ANO2: variants seen among roughly 807,000 people sequenced by gnomAD.
The protein encoded by ANO2 is anoctamin-2.
ANO2 carries 101 observed loss-of-function variants against 124.2 expected under a neutral mutation model. That is an observed-to-expected ratio of 0.81 (90% CI 0.69 to 0.96). ANO2 has a LOEUF of 0.96. ANO2 is among the 40% of genes least tolerant of loss of function. The pLI is 0.00. For synonymous variants in ANO2, 486 were observed against 482.5 expected (o/e 1.01, Z -0.09); for missense variants, 1,293 against 1,274.5 (o/e 1.01, Z -0.22).
chr12:5,725,915 G>A (rs890391013), intron 14 of ANO2, among the ~76,000 whole-genome samples: 1 of 152,106 alleles, frequency 6.6e-6, no homozygotes, highest in Non-Finnish European at 1.5e-5. Flanking sequence ...AGCAAAGGAG[G>A]CATGAGCTGA....
intron 14 of ANO2, among the ~76,000 whole-genome samples, chr12:5,706,756 C>G (rs1354756570): frequency 3.3e-5 from 5 of 152,226 alleles, no homozygotes; most frequent in African/African-American, 1.2e-4. Flanking sequence ...TGGTCTAGAG[C>G]AGCACCTGGT....
At chr12:5,647,551 G>C (rs1043550906) in intron 15 of ANO2, among the ~76,000 whole-genome samples, 176 bp downstream of exon 15, 1 of 152,210 alleles carries the variant, frequency 6.6e-6, no homozygotes, top group Non-Finnish European at 1.5e-5. Context: ...CCAAATTCTA[G>C]CATGGGTGGT....
intron 14 of ANO2, among the ~76,000 whole-genome samples, chr12:5,691,068 G>A (rs182461618): frequency 2.4e-4 from 36 of 152,130 alleles, no homozygotes; most frequent in African/African-American, 7.5e-4. Context: ...GGTGGCTCAC[G>A]CCTGTAATCC....
rs562649364 is a variant in ANO2, at chr12:5,771,106, G to A, written c.1056-20136C>T. Among the ~76,000 whole-genome samples the A allele has an allele frequency of 9.2e-5, 14 of 152,354 alleles. No homozygotes were observed. The South Asian group carries it at 2.1e-3, about 23-fold the overall frequency. Reference sequence around the variant, plus strand: ...AGAATGTAAGCTCCATGAGAGCAGAGACTTGTTCTGCCCTGTTCACTGTTG... The same window carrying A: ...AGAATGTAAGCTCCATGAGAGCAGAAACTTGTTCTGCCCTGTTCACTGTTG... On this transcript the variant is annotated intron_variant, in intron 10 of 24. Transcript: ENST00000682330.
chr12:5,714,041 G>GT (rs1949923106), intron 14 of ANO2, among the ~76,000 whole-genome samples: 1 of 152,214 alleles, frequency 6.6e-6, no homozygotes, highest in Non-Finnish European at 1.5e-5. Flanking sequence ...GTGACTCTGA[G>GT]TAACTTCCCC....
chr12:5,912,318 G>A (rs1228940289), intron 3 of ANO2, among the ~76,000 whole-genome samples: 3 of 152,174 alleles, frequency 2.0e-5, no homozygotes, highest in Non-Finnish European at 4.4e-5. Context: ...GCAGAAGCAA[G>A]AAGACCTTAT....
In ANO2 at chr12:5,732,558, G is replaced by A; in HGVS notation, c.1507C>T (p.Gln503Ter). ...MLKESNQSAV[Q>*]KLETNTTECG... is the part of the protein sequence containing the mutation. ...TCCGTCGTGTTTGTTTCCAATTTCT[G>A]GACAGCAGACTGGTTGCTCTCCTTT... The change falls in exon 14 of 25, where the codon CAG (glutamine) becomes TAG (stop). Residue 503 changes from glutamine to a stop codon, truncating the protein, a stop_gained. Coordinates refer to ENST00000682330, the MANE Select transcript of ANO2 (RefSeq NM_001364791.2). LOFTEE classifies it high-confidence loss of function. The A allele has an allele frequency of 6.2e-7, 1 of 1,613,836 alleles. No individual in the cohort carries two copies. Among genetic ancestry groups the A allele is most frequent in the Non-Finnish European group, 8.5e-7 (1 of 1,179,834 alleles).
intron 3 of ANO2, among the ~76,000 whole-genome samples, chr12:5,865,923 C>A (rs764470051): frequency 6.6e-6 from 1 of 152,230 alleles, no homozygotes; most frequent in Non-Finnish European, 1.5e-5. Context: ...TCCAAAGGGA[C>A]AGGACGACAA....
rs146763825 is a variant in ANO2 at position 5,615,544 on chromosome 12, G to A, written c.1817-247C>T. On this transcript the variant is annotated intron_variant, in intron 16 of 24. Transcript: ENST00000682330. ...TTTCTCCGTCCACCTTCCTCCTCTT[G>A]TCTACTCAAGGAGTGGTTTCACACC... 8.5e-5 allele frequency among the ~76,000 whole-genome samples: 13 copies of A among 152,190 alleles called. No homozygotes were observed. In the East Asian group the frequency reaches 2.5e-3, roughly 30 times the overall value.
chr12:5,935,267 T>C (rs916210012), intron 1 of ANO2, among the ~76,000 whole-genome samples: 1 of 152,088 alleles, frequency 6.6e-6, no homozygotes, highest in Non-Finnish European at 1.5e-5. Flanking sequence ...TGGTACATAA[T>C]AATCTTTGAG....
rs186304893 is a variant in ANO2 at position 5,822,457 on chromosome 12, C to A, written c.892+5312G>T. On this transcript the variant is annotated intron_variant, in intron 7 of 24. Transcript: ENST00000682330. The stretch of plus-strand genomic sequence containing the variant: ...GCCACCCCTGTCATTGCTCAATGGG[C>A]CCATGAACAAAGTGGCCATGGTGGC... 3.3e-5 allele frequency among the ~76,000 whole-genome samples: 5 copies of A among 152,324 alleles called. No homozygotes were observed. In the East Asian group the frequency reaches 9.7e-4, roughly 29 times the overall value.
chr12:5,732,696 A>T, intron 13 of ANO2, 66 bp from the exon 14 acceptor site: 1 of 1,546,880 alleles, frequency 6.5e-7, no homozygotes, highest in Non-Finnish European at 8.9e-7. Context: ...TAGGGTTATA[A>T]CCAGACACAT....
intron 14 of ANO2, among the ~76,000 whole-genome samples, chr12:5,673,742 C>G (rs116232694): frequency 0.015 from 2,324 of 152,328 alleles, 36 homozygotes; most frequent in African/African-American, 0.051. Flanking sequence ...CACAGCCCTT[C>G]TCAAGCCAGT....
chr12:5,939,022 T>C (rs1473577364), intron 1 of ANO2, among the ~76,000 whole-genome samples: 2 of 150,576 alleles, frequency 1.3e-5, no homozygotes, highest in Non-Finnish European at 3.0e-5. Flanking sequence ...ATCAAGACCA[T>C]CCTGGCCAAG....
intron 3 of ANO2, among the ~76,000 whole-genome samples, chr12:5,910,577 ATG>A (rs1940988379): frequency 6.6e-6 from 1 of 152,222 alleles, no homozygotes; most frequent in Admixed American, 6.5e-5. Flanking sequence ...TGTCAGTTAA[ATG>A]TTGATGAAAA....
intron 23 of ANO2, among the ~76,000 whole-genome samples, chr12:5,569,405 G>A (rs1941970511): frequency 1.3e-5 from 2 of 152,168 alleles, no homozygotes; most frequent in African/African-American, 4.8e-5. Flanking sequence ...TTATTTTAGG[G>A]ATGTTCCTGG....
rs571585507 is a variant in ANO2, at chr12:5,626,330, G to T, written c.1816+8822C>A. 2.6e-5 allele frequency among the ~76,000 whole-genome samples: 4 copies of T among 152,192 alleles called. No homozygotes were observed. The South Asian group carries it at 8.3e-4, about 32-fold the overall frequency. On this transcript the variant is annotated intron_variant, in intron 16 of 24. Coordinates refer to ENST00000682330, the MANE Select transcript of ANO2 (RefSeq NM_001364791.2). Reference sequence around the variant, plus strand: ...ATGGCATCCTGGAGATGCGGGTGGAGGTAACATATGTGTCCTAGAAACAGG... The same window carrying T: ...ATGGCATCCTGGAGATGCGGGTGGATGTAACATATGTGTCCTAGAAACAGG...
At chr12:5,661,080 G>A (rs910800114) in intron 14 of ANO2, among the ~76,000 whole-genome samples, 6 of 152,170 alleles carry the variant, frequency 3.9e-5, no homozygotes, top group African/African-American at 1.4e-4. Flanking sequence ...AGTGTTAAGT[G>A]ACACCCAGCT....
chr12:5,914,507 AGCTGTGG>A (rs999260767), intron 3 of ANO2, among the ~76,000 whole-genome samples: 7 of 152,108 alleles, frequency 4.6e-5, no homozygotes, highest in Non-Finnish European at 8.8e-5. Context: ...TCCCGAAAGC[AGCTGTGG>A]GCCCCCAGAC....
Sources: allele counts gnomAD v4.1 joint callset (sites outside exome capture counted in the v4.1 genomes callset), GRCh38; gene constraint gnomAD v4.1.1; transcripts MANE v1.5; gene names NCBI Gene and HGNC (gene_info 2026-07-23, HGNC 2026-07-21).